Variants in NAA11 observed in about 807,000 individuals in gnomAD.
NAA11 encodes the protein N-alpha-acetyltransferase 11, NatA catalytic subunit, also known as N-alpha-acetyltransferase 11.
A neutral mutation model predicts 16.1 loss-of-function variants in NAA11; 15 were observed. That is an observed-to-expected ratio of 0.93 (90% CI 0.62 to 1.44). The LOEUF is 1.44. Ranked by LOEUF, NAA11 falls within the 40% of genes most tolerant of loss-of-function variation. The pLI, the probability that NAA11 is intolerant of heterozygous loss-of-function variation, is 0.00. For synonymous variants in NAA11, 122 were observed against 112.4 expected (o/e 1.09, Z -0.54); for missense variants, 298 against 291.3 (o/e 1.02, Z -0.17).
intron 2 of NAA11, among the ~76,000 whole-genome samples, chr4:79,268,231 G>C (rs967041349): frequency 6.6e-6 from 1 of 152,032 alleles, no homozygotes; most frequent in Non-Finnish European, 1.5e-5. Context: ...CTTAGGGATG[G>C]CCTTACATAT....
the NAA11 span, among the ~76,000 whole-genome samples, chr4:79,206,189 T>G: frequency 6.6e-6 from 1 of 152,144 alleles, no homozygotes; most frequent in Admixed American, 6.6e-5. Flanking sequence ...AATCTGTAGA[T>G]TGCTTTAGGC....
At chr4:79,169,548 G>A in the NAA11 span, among the ~76,000 whole-genome samples, 2 of 151,848 alleles carry the variant, frequency 1.3e-5, no homozygotes, top group Non-Finnish European at 2.9e-5. Flanking sequence ...AAACTGGCTA[G>A]CCATATGCAG....
At chr4:79,221,608 C>T (rs967056434), downstream of NAA11, among the ~76,000 whole-genome samples, 45 of 114,752 alleles carry the variant, frequency 3.9e-4, no homozygotes, top group Admixed American at 9.7e-5. Context: ...TTGTCAAAGG[C>T]TTTTTCTGCA....
intron 2 of NAA11, chr4:79,227,537 A>G (rs1721345759): frequency 6.6e-6 from 1 of 151,974 alleles, no homozygotes. Context: ...TTATGAAGAC[A>G]GTGGTGTCCC....
the NAA11 span, among the ~76,000 whole-genome samples, chr4:79,185,872 TA>T: frequency 1.9e-3 from 268 of 144,174 alleles, no homozygotes; most frequent in Non-Finnish European, 2.6e-3. Flanking sequence ...AGAATGAAAT[TA>T]AAAAAAAAAA....
chr4:79,322,677 G>A (rs1170101052), intron 1 of NAA11, among the ~76,000 whole-genome samples: 1 of 152,150 alleles, frequency 6.6e-6, no homozygotes, highest in Non-Finnish European at 1.5e-5. Context: ...CATTCAAAGA[G>A]TCTTGAGAGA....
chr4:79,287,697 G>C (rs1442792022), intron 2 of NAA11, among the ~76,000 whole-genome samples: 2 of 150,010 alleles, frequency 1.3e-5, no homozygotes, highest in East Asian at 3.9e-4. Flanking sequence ...GAAAGAGGGA[G>C]AGAGAGAGAG....
the NAA11 span, among the ~76,000 whole-genome samples, chr4:79,176,736 C>G: frequency 1.3e-5 from 2 of 152,176 alleles, no homozygotes; most frequent in East Asian, 3.8e-4. Context: ...CACATATACT[C>G]CTTAATGTTA....
At chr4:79,191,295 GGTAA>G in the NAA11 span, among the ~76,000 whole-genome samples, 4 of 151,858 alleles carry the variant, frequency 2.6e-5, no homozygotes, top group Non-Finnish European at 1.5e-5. Context: ...ACCAACAGTG[GGTAA>G]GTGTTCCCTT....
At chr4:79,172,673 T>A in the NAA11 span, among the ~76,000 whole-genome samples, 28 of 152,148 alleles carry the variant, frequency 1.8e-4, no homozygotes, top group East Asian at 2.5e-3. Context: ...TTACCTGGGG[T>A]AGCTTTTTCA....
At chr4:79,272,814 A>G (rs779255400) in intron 2 of NAA11, among the ~76,000 whole-genome samples, 5 of 151,920 alleles carry the variant, frequency 3.3e-5, no homozygotes, top group Admixed American at 1.3e-4. Flanking sequence ...ACCTGTCTAT[A>G]CTGCATGATA....
At chr4:79,245,796 G>A (rs1007303803) in intron 2 of NAA11, among the ~76,000 whole-genome samples, 1 of 152,012 alleles carries the variant, frequency 6.6e-6, no homozygotes, top group African/African-American at 2.4e-5. Flanking sequence ...CGCCCGTCTG[G>A]GGGGTGAGGG....
chr4:79,221,349 A>G (rs1283866988), downstream of NAA11, among the ~76,000 whole-genome samples: 7 of 146,268 alleles, frequency 4.8e-5, no homozygotes, highest in African/African-American at 1.8e-4. Flanking sequence ...CTCTTTTCCT[A>G]ATTGAATACC....
At chr4:79,254,389 C>T (rs1722057417) in intron 2 of NAA11, among the ~76,000 whole-genome samples, 1 of 152,090 alleles carries the variant, frequency 6.6e-6, no homozygotes, top group Non-Finnish European at 1.5e-5. Flanking sequence ...TATAAGTTAT[C>T]CTTGGCACTA....
chr4:79,241,475 C>T (rs1721695428), intron 2 of NAA11, among the ~76,000 whole-genome samples: 1 of 149,286 alleles, frequency 6.7e-6, no homozygotes, highest in African/African-American at 2.4e-5. Context: ...CAAAGGTCAA[C>T]TGTACAAGTG....
chr4:79,266,358 A>C (rs1478328816), intron 2 of NAA11, among the ~76,000 whole-genome samples: 1 of 152,216 alleles, frequency 6.6e-6, no homozygotes, highest in African/African-American at 2.4e-5. Flanking sequence ...CTGGAAAAAC[A>C]ACAAATCACA....
At position 79,289,280 on chromosome 4, in the gene NAA11, T is replaced by C. The variant is rs114984294; in HGVS notation, c.*122+4725A>G. Among the ~76,000 whole-genome samples the C allele has an allele frequency of 5.3e-3, 810 of 152,346 alleles. 11 individuals carry two copies. The highest frequency in any genetic ancestry group is 0.019 in the African/African-American group (786 of 41,586). ...ATCTGCCTTCTACATGACTCTGATA[T>C]CATGTCATAAGTAATGGATTTTTCA... On this transcript the variant is annotated intron_variant and NMD_transcript_variant, in intron 2 of 2. Transcript: ENST00000511542.
At chr4:79,199,723 T>G in the NAA11 span, among the ~76,000 whole-genome samples, 1 of 151,904 alleles carries the variant, frequency 6.6e-6, no homozygotes, top group Non-Finnish European at 1.5e-5. Flanking sequence ...GGTCAGTTGT[T>G]ATAATTAGAG....
At chr4:79,297,078 A>C (rs1187580219) in intron 1 of NAA11, among the ~76,000 whole-genome samples, 1 of 152,162 alleles carries the variant, frequency 6.6e-6, no homozygotes, top group Non-Finnish European at 1.5e-5. Context: ...GAGGCCAGGC[A>C]GGACCTGCTC....
Sources: allele counts gnomAD v4.1 joint callset (sites outside exome capture counted in the v4.1 genomes callset), GRCh38; gene constraint gnomAD v4.1.1; transcripts MANE v1.5; gene names NCBI Gene and HGNC (gene_info 2026-07-23, HGNC 2026-07-21).